Variants in DLG2 observed in about 807,000 individuals in gnomAD.
DLG2 encodes the protein discs large MAGUK scaffold protein 2, also known as disks large homolog 2.
In DLG2, 45 loss-of-function variants were observed where a neutral mutation model predicts 132.5. The ratio of observed to expected loss-of-function variants is 0.34; its 90% confidence interval spans 0.27 to 0.44. DLG2 has a LOEUF of 0.44. Among genes scored for constraint, DLG2 ranks in the 20% least tolerant of loss-of-function variants. DLG2 has a pLI of 1.00. For missense variants in DLG2, 1,045 were observed against 1,196.9 expected, an observed-to-expected ratio of 0.87 and a Z score of 1.87; for synonymous variants, 424 against 419.6, an observed-to-expected ratio of 1.01 and a Z score of -0.13.
chr11:84,856,262 A>G (rs776433337), intron 6 of DLG2, among the ~76,000 whole-genome samples: 1 of 152,128 alleles, frequency 6.6e-6, no homozygotes, highest in Non-Finnish European at 1.5e-5. Context: ...ACGTTCATCA[A>G]TGATAAGGAG....
chr11:83,480,224 C>T, intron 22 of DLG2: 1 of 678,912 alleles, frequency 1.5e-6, no homozygotes, highest in Non-Finnish European at 2.5e-6. Context: ...TATCTTTCCA[C>T]ATCCAGTGAT....
intron 7 of DLG2, among the ~76,000 whole-genome samples, chr11:84,359,673 C>A (rs746873664): frequency 1.3e-5 from 2 of 151,838 alleles, no homozygotes; most frequent in Non-Finnish European, 2.9e-5. Context: ...GCTTATTACA[C>A]TTTGGGCTTC....
At chr11:85,472,262 G>A (rs2093007967) in intron 3 of DLG2, among the ~76,000 whole-genome samples, 1 of 152,026 alleles carries the variant, frequency 6.6e-6, no homozygotes, top group Non-Finnish European at 1.5e-5. Flanking sequence ...TTCAGGTAGG[G>A]GCTACCCACC....
intron 6 of DLG2, among the ~76,000 whole-genome samples, chr11:84,838,634 A>T (rs1041136684): frequency 6.6e-6 from 1 of 151,962 alleles, no homozygotes; most frequent in Non-Finnish European, 1.5e-5. Flanking sequence ...AATGTATATA[A>T]GAATGTTCAC....
chr11:85,121,847 CAT>C (rs1491499718), intron 5 of DLG2, among the ~76,000 whole-genome samples: 3 of 152,114 alleles, frequency 2.0e-5, no homozygotes, highest in Non-Finnish European at 4.4e-5. Context: ...TACACATGTA[CAT>C]ATGTGTGTAC....
chr11:83,652,733 A>G (rs983297529), intron 18 of DLG2, among the ~76,000 whole-genome samples: 1 of 152,114 alleles, frequency 6.6e-6, no homozygotes, highest in Non-Finnish European at 1.5e-5. Flanking sequence ...ACAATTAATG[A>G]CACCTGAGGG....
At chr11:85,193,700 T>C (rs557842181) in intron 4 of DLG2, among the ~76,000 whole-genome samples, 33 of 152,246 alleles carry the variant, frequency 2.2e-4, no homozygotes, top group African/African-American at 7.5e-4. Flanking sequence ...ATTCAAATTC[T>C]TTGCCCATTT....
At position 84,624,065 on chromosome 11, in the gene DLG2, A is replaced by G. The variant is rs143527570; in HGVS notation, c.358-89334T>C. ...ATGAACCATAACAGAAAATCTTTGA[A>G]TAATGTAGGATATGGTCAGACATCC... On this transcript the variant is annotated intron_variant, in intron 6 of 27. Transcript: ENST00000376104. 3.4e-3 allele frequency among the ~76,000 whole-genome samples: 515 copies of G among 152,340 alleles called. 4 individuals are homozygous for G. The highest frequency in any genetic ancestry group is 0.011 in the African/African-American group (476 of 41,588).
chr11:85,608,328 T>C (rs2080738507), intron 2 of DLG2, among the ~76,000 whole-genome samples: 1 of 152,106 alleles, frequency 6.6e-6, no homozygotes, highest in Non-Finnish European at 1.5e-5. Context: ...TTTTCTGCAC[T>C]ATGGTCTGGC....
At chr11:83,864,555 T>C (rs1366617084) in intron 16 of DLG2, among the ~76,000 whole-genome samples, 1 of 152,162 alleles carries the variant, frequency 6.6e-6, no homozygotes, top group Non-Finnish European at 1.5e-5. Flanking sequence ...TGTGATCCAT[T>C]GGTCAATAAA....
At chr11:84,299,769 C>T (rs921214754) in intron 7 of DLG2, among the ~76,000 whole-genome samples, 2 of 152,182 alleles carry the variant, frequency 1.3e-5, no homozygotes, top group African/African-American at 4.8e-5. Flanking sequence ...CCTCAACGTA[C>T]TTACAGTCTT....
intron 9 of DLG2, among the ~76,000 whole-genome samples, chr11:84,115,978 G>A (rs1349385223): frequency 1.3e-5 from 2 of 152,178 alleles, no homozygotes; most frequent in African/African-American, 4.8e-5. Context: ...AGAAATGAGT[G>A]TCTCAATCAG....
chr11:83,671,649 A>T (rs1227797862), intron 18 of DLG2, among the ~76,000 whole-genome samples: 1 of 152,226 alleles, frequency 6.6e-6, no homozygotes, highest in African/African-American at 2.4e-5. Flanking sequence ...TCAATAAATA[A>T]ATAATGCTTA....
At chr11:84,233,919 C>T (rs1264842511) in intron 8 of DLG2, among the ~76,000 whole-genome samples, 1 of 152,196 alleles carries the variant, frequency 6.6e-6, no homozygotes, top group Non-Finnish European at 1.5e-5. Flanking sequence ...AAGGCAGCTT[C>T]CCAATAAATA....
intron 4 of DLG2, among the ~76,000 whole-genome samples, chr11:85,171,633 C>T (rs1213918766): frequency 6.6e-6 from 1 of 152,162 alleles, no homozygotes; most frequent in Non-Finnish European, 1.5e-5. Context: ...CCTACTCCTA[C>T]AGCACCTTAC....
chr11:85,323,218 C>A (rs2152828313), intron 3 of DLG2, among the ~76,000 whole-genome samples: 1 of 152,284 alleles, frequency 6.6e-6, no homozygotes, highest in African/African-American at 2.4e-5. Context: ...CCAACCATTA[C>A]TATCACTAAC....
intron 22 of DLG2, chr11:83,483,420 G>T: frequency 1.5e-6 from 1 of 655,024 alleles, no homozygotes; most frequent in Non-Finnish European, 2.7e-6. Context: ...TAACAATCTG[G>T]ATCCCATTCT....
chr11:85,216,246 G>A lies in DLG2; in HGVS notation c.187-61595C>T, dbSNP rs533042083. Among the ~76,000 whole-genome samples, 9 of 152,200 alleles carry A rather than the reference G, an allele frequency of 5.9e-5. No homozygotes were observed. The South Asian group carries it at 1.9e-3, about 32-fold the overall frequency. On this transcript the variant is annotated intron_variant, in intron 4 of 27. Coordinates refer to ENST00000376104, the MANE Select transcript of DLG2 (RefSeq NM_001142699.3). The stretch of plus-strand genomic sequence containing the variant: ...CAAGAAAGTCAGTGGGCTAACACAG[G>A]ATCATACAAATAGCCAGTCTTGACC...
chr11:83,520,555 A>T (rs1478212766), intron 21 of DLG2, among the ~76,000 whole-genome samples: 1 of 152,122 alleles, frequency 6.6e-6, no homozygotes, highest in East Asian at 1.9e-4. Flanking sequence ...AGATAGAAAG[A>T]TAGCTAACTA....
Sources: allele counts gnomAD v4.1 joint callset (sites outside exome capture counted in the v4.1 genomes callset), GRCh38; gene constraint gnomAD v4.1.1; transcripts MANE v1.5; gene names NCBI Gene and HGNC (gene_info 2026-07-23, HGNC 2026-07-21).